Variants in ZNF76 observed in about 807,000 individuals in gnomAD.
ZNF76 encodes zinc finger protein 523.
In ZNF76, 66 loss-of-function variants were observed where a neutral mutation model predicts 66.9. The ratio of observed to expected loss-of-function variants is 0.99; its 90% CI spans 0.81 to 1.21. The LOEUF is 1.21. Among genes scored for constraint, ZNF76 ranks in the 50% most tolerant of loss-of-function variants. ZNF76 has a pLI of 0.00. For missense variants in ZNF76, 729 were observed against 760.3 expected (o/e 0.96, Z 0.48); for synonymous variants, 275 against 296.1 (o/e 0.93, Z 0.73).
intron 1 of ZNF76, among the ~76,000 whole-genome samples, chr6:35,275,134 G>A (rs536229612): frequency 5.9e-5 from 9 of 151,918 alleles, no homozygotes; most frequent in African/African-American, 1.4e-4. Context: ...CAGCGTGGGC[G>A]TGAGAGCAAG....
chr6:35,290,405 G>T (rs558886664), intron 6 of ZNF76, 23 bp downstream of exon 6: 2 of 1,612,488 alleles, frequency 1.2e-6, no homozygotes, highest in Admixed American at 1.7e-5. Flanking sequence ...GCAGACAGCC[G>T]TCAGCTCTGC....
chr6:35,269,171 C>A (rs2150343323), intron 1 of ZNF76, among the ~76,000 whole-genome samples: 1 of 151,332 alleles, frequency 6.6e-6, no homozygotes, highest in Middle Eastern at 3.4e-3. Context: ...GTCCCAGCCA[C>A]TGGGGAGGCT....
Position 35,287,745 on chromosome 6 carries a change from T to A in ZNF76, c.332T>A (p.Leu111Gln), listed in dbSNP as rs781742581. The A allele has an allele frequency of 1.2e-6, 2 of 1,614,230 alleles. No individual in the cohort carries two copies. Among genetic ancestry groups the A allele is most frequent in the Non-Finnish European group, 1.7e-6 (2 of 1,180,038 alleles). Residue 111 changes from leucine to glutamine, a missense_variant, in exon 5 of 14, where the codon CTG becomes CAG. Physicochemically the swap from Leu to Gln is moderately radical, Grantham distance 113. Coordinates refer to ENST00000373953, the MANE Select transcript of ZNF76 (RefSeq NM_003427.5). The surrounding 1 kb of genome is among the most constrained non-coding windows in gnomAD (Gnocchi z 4.0). ...GCTGTGCCATCGGAGAGCACCATCCTGGCCGTACAGACAGAGGTGGGCTTG... is the reference window on the plus strand; with the variant it reads ...GCTGTGCCATCGGAGAGCACCATCCAGGCCGTACAGACAGAGGTGGGCTTG... ...PVAVPSESTI[L>Q]AVQTEVGLED...
In ZNF76 at chr6:35,286,209, G is replaced by A. The variant is rs764871440; in HGVS notation, c.154+1G>A. ...ATTCACCAGGTGACGGTACAGAAAG[G>A]TGAGGGCACCCCAACACACCATGCC... On this transcript the variant is annotated splice_donor_variant, in intron 3 of 13. Coordinates refer to ENST00000373953, the MANE Select transcript of ZNF76 (RefSeq NM_003427.5). LOFTEE classifies it high-confidence loss of function. 2 of 1,614,198 alleles carry A rather than the reference G, an allele frequency of 1.2e-6. No individual in the cohort carries two copies. Among genetic ancestry groups the A allele is most frequent in the Non-Finnish European group, 1.7e-6 (2 of 1,180,042 alleles).
At chr6:35,277,739 C>T (rs1326446632) in intron 1 of ZNF76, among the ~76,000 whole-genome samples, 1 of 152,214 alleles carries the variant, frequency 6.6e-6, no homozygotes, top group Non-Finnish European at 1.5e-5. Flanking sequence ...GCCCTTGCAC[C>T]TTAGCCCATT....
chr6:35,280,987 C>T (rs772868996), intron 1 of ZNF76, 69 bp from the exon 2 acceptor site: 20 of 692,376 alleles, frequency 2.9e-5, no homozygotes, highest in Admixed American at 1.8e-4. Context: ...TCATTAACTC[C>T]TTCCCTGAGT....
In ZNF76 at chr6:35,292,607, T is replaced by G; in HGVS notation, c.985T>G (p.Tyr329Asp). ...AGGCTGCGGGAAACGCTTCACCGAG[T>G]ACTCGAGCTTGTATAAGCACCACGT... is the stretch of plus-strand genomic sequence containing the variant. Reference protein sequence around the residue: ...VPGCGKRFTEYSSLYKHHVVH... With the variant: ...VPGCGKRFTEDSSLYKHHVVH... The change falls in exon 10 of 14, where the codon TAC (tyrosine) becomes GAC (aspartate). Residue 329 changes from tyrosine to aspartate, a missense_variant. Coordinates refer to ENST00000373953, the MANE Select transcript of ZNF76 (RefSeq NM_003427.5). The surrounding 1 kb of genome is among the most constrained non-coding windows in gnomAD (Gnocchi z 4.7). 2 of 1,613,548 alleles carry G rather than the reference T, an allele frequency of 1.2e-6. No homozygotes were observed. Among genetic ancestry groups the G allele is most frequent in the Non-Finnish European group, 1.7e-6 (2 of 1,180,006 alleles).
Position 35,295,338 on chromosome 6 carries a change from C to A in ZNF76, c.*90C>A. ...CCAAGGGCCCAGGCTGTGGCTGACACATAGAAGGTGGCCACATAGGTCTCT... is the reference window on the plus strand; with the variant it reads ...CCAAGGGCCCAGGCTGTGGCTGACAAATAGAAGGTGGCCACATAGGTCTCT... On this transcript the variant is annotated 3_prime_UTR_variant, in exon 14 of 14. Coordinates refer to ENST00000373953, the MANE Select transcript of ZNF76 (RefSeq NM_003427.5). The A allele has an allele frequency of 8.6e-7, 1 of 1,166,144 alleles. No homozygotes were observed. Among genetic ancestry groups the A allele is most frequent in the Non-Finnish European group, 1.2e-6 (1 of 807,528 alleles). The allele number at this position is 1,166,144 out of a possible 1,614,324, so 72.2% of individuals were successfully genotyped here. A position where few individuals can be genotyped will look rare whatever the true frequency, so the allele number is the denominator to read the frequency against.
intron 1 of ZNF76, among the ~76,000 whole-genome samples, chr6:35,273,092 G>A (rs958604562): frequency 1.1e-4 from 17 of 151,708 alleles, no homozygotes; most frequent in African/African-American, 3.9e-4. Context: ...GGAAGTGGAG[G>A]TTGCAATGAG....
chr6:35,272,675 G>A (rs1456652353), intron 1 of ZNF76, among the ~76,000 whole-genome samples: 1 of 152,218 alleles, frequency 6.6e-6, no homozygotes, highest in Non-Finnish European at 1.5e-5. Context: ...GTCTTGCTTT[G>A]TCACACAGGT....
rs766364824 is a variant in ZNF76, at chr6:35,292,635, T to C, written c.1013T>C (p.Val338Ala). 6.2e-7 allele frequency: 1 copy of C among 1,613,958 alleles called. No individual in the cohort carries two copies. The highest frequency in any genetic ancestry group is 1.1e-5 in the South Asian group (1 of 91,078). Residue 338 changes from valine to alanine, a missense_variant, in exon 10 of 14, where the codon GTG becomes GCG. Transcript: ENST00000373953. This position sits in a 1 kb window ranked among gnomAD's most constrained non-coding sequence, Gnocchi z 4.7. ...EYSSLYKHHV[V>A]HTHCKPYTCS... ...TCGAGCTTGTATAAGCACCACGTGG[T>C]GCACACACACTGCAAGCCCTACACC...
At chr6:35,277,985 G>A (rs1235137881) in intron 1 of ZNF76, among the ~76,000 whole-genome samples, 6 of 151,102 alleles carry the variant, frequency 4.0e-5, no homozygotes, top group African/African-American at 1.2e-4. Context: ...TTAGCCTCCC[G>A]AGTAGCTGGA....
chr6:35,270,759 A>T lies in ZNF76; in HGVS notation c.-96-10297A>T, dbSNP rs755547473. The stretch of plus-strand genomic sequence containing the variant: ...TTTTTAGTAGAGATGGGGTTTCACC[A>T]TGTTGGCCAGGATGGTCTAGATCTC... On this transcript the variant is annotated intron_variant, in intron 1 of 13. Transcript: ENST00000373953. Among the ~76,000 whole-genome samples the T allele has an allele frequency of 2.0e-5, 3 of 152,102 alleles. No homozygotes were observed. The East Asian group carries it at 5.8e-4, about 29-fold the overall frequency.
chr6:35,285,861 A>G (rs140688661), intron 2 of ZNF76, among the ~76,000 whole-genome samples: 3 of 152,216 alleles, frequency 2.0e-5, no homozygotes, highest in African/African-American at 7.2e-5. Flanking sequence ...GCATGGGTAG[A>G]ATAATAAGTG....
chr6:35,276,068 T>C (rs1787850688), intron 1 of ZNF76, among the ~76,000 whole-genome samples: 1 of 152,226 alleles, frequency 6.6e-6, no homozygotes, highest in Non-Finnish European at 1.5e-5. Flanking sequence ...CCTCTAAGCC[T>C]CAGTTGCCTC....
intron 11 of ZNF76, 57 bp downstream of exon 11, chr6:35,293,101 G>A: frequency 6.4e-7 from 1 of 1,567,266 alleles, no homozygotes; most frequent in Non-Finnish European, 8.6e-7. Flanking sequence ...ACTCTCTCTG[G>A]GGACTCTGGG....
chr6:35,269,324 TC>T (rs1786660221), intron 1 of ZNF76, among the ~76,000 whole-genome samples: 1 of 147,800 alleles, frequency 6.8e-6, no homozygotes, highest in African/African-American at 2.5e-5. Flanking sequence ...GTACTCAGGC[TC>T]CTCTCTTCCA....
At position 35,287,875 on chromosome 6, in the gene ZNF76, C is replaced by A; in HGVS notation, c.432+30C>A. 1 of 1,557,548 alleles carries A rather than the reference C, an allele frequency of 6.4e-7. No individual in the cohort carries two copies. Among genetic ancestry groups the A allele is most frequent in the South Asian group, 1.2e-5 (1 of 85,410 alleles). On this transcript the variant is annotated intron_variant, in intron 5 of 13. Transcript: ENST00000373953. The surrounding 1 kb of genome is among the most constrained non-coding windows in gnomAD (Gnocchi z 4.0). ...GCACGCACAGCGTGACACGGTCTGT[C>A]ACTCTAGACAACCGGGCCTGGCCTG...
At chr6:35,290,602 C>T in intron 6 of ZNF76, 39 bp from the exon 7 acceptor site, 1 of 1,610,528 alleles carries the variant, frequency 6.2e-7, no homozygotes, top group Non-Finnish European at 8.5e-7. Flanking sequence ...CTGGTCATAC[C>T]CTTGCTCCTC....
Sources: gnomAD v4.1 joint callset for allele counts (sites outside exome capture counted in the v4.1 genomes callset) on GRCh38, gnomAD v4.1.1 for gene constraint, Gnocchi (gnomAD v3.1) non-coding constraint, MANE v1.5 for transcripts, NCBI Gene and HGNC (gene_info 2026-07-23, HGNC 2026-07-21) for gene names.